The following CNTN4 variants were observed in gnomAD, a reference collection of about 807,000 sequenced individuals.
CNTN4 encodes the protein contactin 4, also known as contactin-4.
In CNTN4, 77 loss-of-function variants were observed where a neutral mutation model predicts 122.5. The observed-to-expected ratio is 0.63, with a 90% CI of 0.52 to 0.76. The LOEUF is 0.76. Among genes scored for constraint, CNTN4 ranks in the 30% least tolerant of loss-of-function variants. The pLI, the probability that CNTN4 is intolerant of heterozygous loss-of-function variation, is 0.00. For missense variants in CNTN4, 1,256 were observed against 1,259.1 expected, an observed-to-expected ratio of 1.00 and a Z score of 0.04; for synonymous variants, 512 against 447.0, an observed-to-expected ratio of 1.15 and a Z score of -1.83.
chr3:2,710,110 C>T (rs1253665810), intron 4 of CNTN4, among the ~76,000 whole-genome samples: 1 of 152,134 alleles, frequency 6.6e-6, no homozygotes, highest in Non-Finnish European at 1.5e-5. Context: ...AAATACAGAA[C>T]ATGCTATCTA....
intron 3 of CNTN4, among the ~76,000 whole-genome samples, chr3:2,524,156 C>G (rs1022520137): frequency 1.3e-5 from 2 of 152,032 alleles, no homozygotes; most frequent in Admixed American, 1.3e-4. Flanking sequence ...TCCCATTTCT[C>G]CTCAATCCCT....
chr3:2,862,775 G>A (rs1029437761), intron 7 of CNTN4, among the ~76,000 whole-genome samples: 1 of 152,062 alleles, frequency 6.6e-6, no homozygotes, highest in African/African-American at 2.4e-5. Flanking sequence ...TTATTTACTT[G>A]GCTTTATTTT....
intron 2 of CNTN4, among the ~76,000 whole-genome samples, chr3:2,161,382 T>C (rs2035961935): frequency 6.6e-6 from 1 of 152,060 alleles, no homozygotes; most frequent in Admixed American, 6.6e-5. Context: ...TAGTGCTTCA[T>C]GAAGAACAAG....
intron 4 of CNTN4, among the ~76,000 whole-genome samples, chr3:2,647,249 T>C (rs1450017476): frequency 6.6e-6 from 1 of 151,984 alleles, no homozygotes; most frequent in Non-Finnish European, 1.5e-5. Context: ...GGCATGGTTG[T>C]GGACGCCTGT....
chr3:2,191,994 C>T (rs2037590890), intron 2 of CNTN4, among the ~76,000 whole-genome samples: 1 of 151,630 alleles, frequency 6.6e-6, no homozygotes, highest in Admixed American at 6.6e-5. Flanking sequence ...GTTTTTTGTC[C>T]TTGTGATGGT....
At chr3:2,645,602 T>C (rs1010280437) in intron 4 of CNTN4, among the ~76,000 whole-genome samples, 1 of 152,206 alleles carries the variant, frequency 6.6e-6, no homozygotes, top group Non-Finnish European at 1.5e-5. Flanking sequence ...TATAAAGGCC[T>C]CAAAATTTTC....
chr3:2,235,224 C>T (rs1449127414), intron 2 of CNTN4, among the ~76,000 whole-genome samples: 1 of 151,968 alleles, frequency 6.6e-6, no homozygotes, highest in Non-Finnish European at 1.5e-5. Context: ...GTAATGATGC[C>T]AACATTATCA....
At position 2,848,374 on chromosome 3, in the gene CNTN4, G is replaced by A. The variant is rs573511446; in HGVS notation, c.455-18378G>A. Among the ~76,000 whole-genome samples, 11 of 152,344 alleles carry A rather than the reference G, an allele frequency of 7.2e-5. No individual in the cohort carries two copies. In the South Asian group the frequency reaches 1.7e-3, roughly 23 times the overall value. On this transcript the variant is annotated intron_variant, in intron 7 of 24. Coordinates refer to ENST00000418658, the MANE Select transcript of CNTN4 (RefSeq NM_175607.3). ...TAGGGCAGAGCAGGACTCATGGAAG[G>A]ACAAGGGGGTTGGTTTTGTTTTCAA...
chr3:2,102,864 T>C (rs1028921946), intron 2 of CNTN4, among the ~76,000 whole-genome samples: 2 of 152,104 alleles, frequency 1.3e-5, no homozygotes, highest in Non-Finnish European at 2.9e-5. Flanking sequence ...TATTACTATA[T>C]GTGATATTTC....
chr3:2,119,430 G>C (rs190617187), intron 2 of CNTN4, among the ~76,000 whole-genome samples: 1 of 152,094 alleles, frequency 6.6e-6, no homozygotes, highest in African/African-American at 2.4e-5. Context: ...AATTTTATTT[G>C]GATGTCCTTA....
chr3:2,376,508 G>C (rs193234621), intron 3 of CNTN4, among the ~76,000 whole-genome samples: 1 of 152,180 alleles, frequency 6.6e-6, no homozygotes, highest in African/African-American at 2.4e-5. Context: ...TGAAGTATCA[G>C]TATTTCTATA....
chr3:2,210,800 A>G (rs1289264812), intron 2 of CNTN4, among the ~76,000 whole-genome samples: 1 of 152,152 alleles, frequency 6.6e-6, no homozygotes, highest in Non-Finnish European at 1.5e-5. Context: ...CCTTCAATAC[A>G]TCAAAAGGTC....
intron 12 of CNTN4, among the ~76,000 whole-genome samples, chr3:2,904,217 A>G (rs1375935135): frequency 1.3e-5 from 2 of 152,230 alleles, no homozygotes; most frequent in Admixed American, 6.5e-5. Flanking sequence ...AAGACTATGA[A>G]TAAGAGAAAA....
Position 2,207,404 on chromosome 3 carries a change from C to A in CNTN4, c.-145+106765C>A, listed in dbSNP as rs976407704. On this transcript the variant is annotated intron_variant, in intron 2 of 24. Transcript: ENST00000418658. ...GGTCTCTGGCATCAAACAGCTAAGT[C>A]GTGAAAACAAGGGAAAAGTTCTTAT... is the stretch of plus-strand genomic sequence containing the variant. 2.0e-5 allele frequency among the ~76,000 whole-genome samples: 3 copies of A among 152,048 alleles called. No homozygotes were observed. In the East Asian group the frequency reaches 5.8e-4, roughly 29 times the overall value.
intron 3 of CNTN4, among the ~76,000 whole-genome samples, chr3:2,481,334 T>C (rs2075999731): frequency 6.6e-6 from 1 of 151,922 alleles, no homozygotes; most frequent in Non-Finnish European, 1.5e-5. Context: ...AGAGATGTGG[T>C]TTCACCATGT....
rs1159234210 is a variant in CNTN4, at chr3:2,887,077, A to C, written c.793A>C (p.Lys265Gln). Reference protein sequence around the residue: ...PTIIWRRADGKPIARKARRHK... With the variant: ...PTIIWRRADGQPIARKARRHK... Reference sequence around the variant, plus strand: ...TATTATCTGGCGAAGAGCTGATGGAAAGCCAATAGCAAGGAAAGCCAGAAG... The same window carrying C: ...TATTATCTGGCGAAGAGCTGATGGACAGCCAATAGCAAGGAAAGCCAGAAG... Residue 265 changes from lysine (K) to glutamine (Q), a missense_variant, in exon 10 of 25, where the codon AAG (lysine) becomes CAG (glutamine). Coordinates refer to ENST00000418658, the MANE Select transcript of CNTN4 (RefSeq NM_175607.3). 1.2e-6 allele frequency: 2 copies of C among 1,613,994 alleles called. No individual in the cohort carries two copies. The highest frequency in any genetic ancestry group is 1.7e-6 in the Non-Finnish European group (2 of 1,180,002).
chr3:2,434,893 A>G (rs78432071), intron 3 of CNTN4, among the ~76,000 whole-genome samples: 1,537 of 152,260 alleles, frequency 0.01, 7 homozygotes, highest in Non-Finnish European at 0.015. Flanking sequence ...ATATCCAAAG[A>G]ATCTTGGCAA....
Position 2,941,749 on chromosome 3 carries a change from C to G in CNTN4, c.1358+15970C>G, listed in dbSNP as rs546155383. ...GCCAGAATGGTAATGGAAATCAAAT[C>G]TCATCACAAATGCTTAAGATAGAAG... On this transcript the variant is annotated intron_variant, in intron 13 of 24. Coordinates refer to ENST00000418658, the MANE Select transcript of CNTN4 (RefSeq NM_175607.3). Among the ~76,000 whole-genome samples, 5 of 152,270 alleles carry G rather than the reference C, an allele frequency of 3.3e-5. No homozygotes were observed. The South Asian group carries it at 1.0e-3, about 32-fold the overall frequency.
intron 7 of CNTN4, among the ~76,000 whole-genome samples, chr3:2,860,654 GC>G (rs1032570870): frequency 2.6e-5 from 4 of 152,042 alleles, no homozygotes; most frequent in African/African-American, 9.7e-5. Flanking sequence ...CTAAGACACT[GC>G]CCCTCCACTC....
Sources: gnomAD v4.1 joint callset for allele counts (sites outside exome capture counted in the v4.1 genomes callset) on GRCh38, gnomAD v4.1.1 for gene constraint, MANE v1.5 for transcripts, NCBI Gene and HGNC (gene_info 2026-07-23, HGNC 2026-07-21) for gene names.